Variants in MYO10 observed in about 807,000 individuals in gnomAD.
The protein encoded by MYO10 is unconventional myosin-X.
In MYO10, 133 loss-of-function variants were observed where a neutral mutation model predicts 257.3. The observed-to-expected ratio is 0.52, with a 90% confidence interval of 0.45 to 0.60. The LOEUF (loss-of-function observed/expected upper bound fraction) is 0.60. Among genes scored for constraint, MYO10 ranks in the 20% least tolerant of loss-of-function variants. The pLI, the probability that MYO10 is intolerant of heterozygous loss-of-function variation, is 0.00. For missense variants in MYO10, 2,399 were observed against 2,635.7 expected, an observed-to-expected ratio of 0.91 and a Z score of 1.97; for synonymous variants, 1,104 against 1,028.6, an observed-to-expected ratio of 1.07 and a Z score of -1.40.
chr5:16,825,636 C>T (rs574671309), intron 2 of MYO10, among the ~76,000 whole-genome samples: 1 of 152,298 alleles, frequency 6.6e-6, no homozygotes, highest in East Asian at 1.9e-4. Flanking sequence ...GCAGACTCAA[C>T]AAATACTGAA....
At chr5:16,824,890 A>C (rs562539046) in intron 2 of MYO10, among the ~76,000 whole-genome samples, 13 of 152,272 alleles carry the variant, frequency 8.5e-5, no homozygotes, top group Non-Finnish European at 1.5e-4. Context: ...AAAACAAAAC[A>C]AAAAAACTTT....
intron 27 of MYO10, among the ~76,000 whole-genome samples, chr5:16,690,231 T>C (rs1737435953): frequency 6.6e-6 from 1 of 152,198 alleles, no homozygotes; most frequent in Admixed American, 6.5e-5. Flanking sequence ...CTAGAGACGA[T>C]TTGAAGCATG....
intron 1 of MYO10, among the ~76,000 whole-genome samples, chr5:16,880,861 C>A: frequency 6.6e-6 from 1 of 152,218 alleles, no homozygotes; most frequent in South Asian, 2.1e-4. Flanking sequence ...TCACTCCATA[C>A]CCAAGCCACA....
chr5:16,818,245 T>A, intron 2 of MYO10, 78 bp from the exon 3 acceptor site: 1 of 1,234,166 alleles, frequency 8.1e-7, no homozygotes, highest in South Asian at 1.8e-5. Context: ...AAACTGACAA[T>A]ACAATCTCAG....
In MYO10 at chr5:16,769,204, C is replaced by G; in HGVS notation, c.931-1G>C. 1 of 1,596,118 alleles carries G rather than the reference C, an allele frequency of 6.3e-7. No individual in the cohort carries two copies. The highest frequency in any genetic ancestry group is 8.5e-7 in the Non-Finnish European group (1 of 1,173,822). On this transcript the variant is annotated splice_acceptor_variant, in intron 9 of 40. Transcript: ENST00000513610. LOFTEE classifies it high-confidence loss of function. Reference sequence around the variant, plus strand: ...TGAACTGCATCACGTCCATTGCCGTCTAGAAGAAAATAAATGTATTTAATT... The same window carrying G: ...TGAACTGCATCACGTCCATTGCCGTGTAGAAGAAAATAAATGTATTTAATT...
chr5:16,806,290 G>C (rs955429898), intron 3 of MYO10, among the ~76,000 whole-genome samples: 1 of 151,528 alleles, frequency 6.6e-6, no homozygotes, highest in Non-Finnish European at 1.5e-5. Flanking sequence ...CAGTGAGCCA[G>C]AGGTTGCAGT....
At chr5:16,666,848 G>T in intron 40 of MYO10, 55 bp from the exon 41 acceptor site, 1 of 1,398,230 alleles carries the variant, frequency 7.2e-7, no homozygotes, top group Non-Finnish European at 9.8e-7. Context: ...CCAGGCAAAG[G>T]GCCCTGCCTA....
chr5:16,738,323 T>C, intron 19 of MYO10: 2 of 985,418 alleles, frequency 2.0e-6, no homozygotes, highest in Non-Finnish European at 2.4e-6. Context: ...GGGTGGGGAT[T>C]AAGAGGCAGG....
intron 19 of MYO10, among the ~76,000 whole-genome samples, chr5:16,714,897 G>A (rs1349541271): frequency 6.6e-6 from 1 of 152,196 alleles, no homozygotes; most frequent in East Asian, 1.9e-4. Context: ...TGAATATTTA[G>A]TATCTGATAG....
At chr5:16,827,983 T>C (rs960357205) in intron 2 of MYO10, among the ~76,000 whole-genome samples, 3 of 152,198 alleles carry the variant, frequency 2.0e-5, no homozygotes, top group Admixed American at 6.5e-5. Context: ...GCATGCGTGG[T>C]AGAGTCAGAC....
chr5:16,702,622 A>T (rs1158549203), intron 23 of MYO10, 34 bp from the exon 24 acceptor site: 2 of 1,551,672 alleles, frequency 1.3e-6, no homozygotes, highest in Non-Finnish European at 1.7e-6. Context: ...AAAATCAACA[A>T]CAATAACCCT....
At chr5:16,822,662 TA>T (rs544265535) in intron 2 of MYO10, among the ~76,000 whole-genome samples, 184 of 147,938 alleles carry the variant, frequency 1.2e-3, no homozygotes, top group African/African-American at 3.6e-3. Context: ...AATTTGGAAA[TA>T]TTTTTTTTTC....
At chr5:16,889,473 A>C (rs1488815966) in intron 1 of MYO10, among the ~76,000 whole-genome samples, 2 of 140,314 alleles carry the variant, frequency 1.4e-5, no homozygotes, top group Non-Finnish European at 3.1e-5. Flanking sequence ...AAGGGAAGAA[A>C]AGAAAGAAGG....
chr5:16,731,554 G>A (rs567077993), intron 19 of MYO10, among the ~76,000 whole-genome samples: 141 of 151,758 alleles, frequency 9.3e-4, no homozygotes, highest in African/African-American at 3.3e-3. Context: ...TCACCATGTT[G>A]GCCAGGCTGG....
At position 16,851,876 on chromosome 5, in the gene MYO10, C is replaced by A. The variant is rs986496156; in HGVS notation, c.120+25733G>T. Reference sequence around the variant, plus strand: ...GACCAGCCTGGCCAACATGATGAAACCCTGTCCGTACTAAAAATACAAAAA... The same window carrying A: ...GACCAGCCTGGCCAACATGATGAAAACCTGTCCGTACTAAAAATACAAAAA... On this transcript the variant is annotated intron_variant, in intron 2 of 40. Coordinates refer to ENST00000513610, the MANE Select transcript of MYO10 (RefSeq NM_012334.3). Among the ~76,000 whole-genome samples the A allele has an allele frequency of 9.2e-5, 14 of 151,740 alleles. 1 individual carries two copies. Among genetic ancestry groups the A allele is most frequent in the Admixed American group, 8.5e-4 (13 of 15,210 alleles).
At chr5:16,796,432 A>AAAGAAAG (rs1741964694) in intron 3 of MYO10, among the ~76,000 whole-genome samples, 1 of 56,382 alleles carries the variant, frequency 1.8e-5, no homozygotes, top group African/African-American at 7.3e-5. Flanking sequence ...AAAAAGAAAG[A>AAAGAAAG]AAAGAAAGAC....
At chr5:16,788,830 C>T (rs973610312) in intron 4 of MYO10, among the ~76,000 whole-genome samples, 5 of 152,104 alleles carry the variant, frequency 3.3e-5, no homozygotes, top group African/African-American at 9.7e-5. Context: ...TTGAATGAGG[C>T]TGTGGAACCA....
intron 2 of MYO10, among the ~76,000 whole-genome samples, chr5:16,856,226 G>A (rs2126740992): frequency 6.6e-6 from 1 of 152,268 alleles, no homozygotes; most frequent in East Asian, 1.9e-4. Context: ...ACAAGTTCAG[G>A]AAAATGTGTC....
chr5:16,847,242 AG>A (rs1561015922), intron 2 of MYO10, among the ~76,000 whole-genome samples: 1 of 151,942 alleles, frequency 6.6e-6, no homozygotes, highest in African/African-American at 2.4e-5. Context: ...TGGCTAACAC[AG>A]TGAAACCCCG....
Sources: allele counts gnomAD v4.1 joint callset (sites outside exome capture counted in the v4.1 genomes callset), GRCh38; gene constraint gnomAD v4.1.1; transcripts MANE v1.5; gene names NCBI Gene and HGNC (gene_info 2026-07-23, HGNC 2026-07-21).